Variants in TLE4 observed in about 807,000 individuals in gnomAD.
TLE4 encodes TLE family member 4, transcriptional corepressor.
A neutral mutation model predicts 92.8 loss-of-function variants in TLE4; 8 were observed. The ratio of observed to expected loss-of-function variants is 0.09; its 90% CI spans 0.05 to 0.16. TLE4 has a LOEUF of 0.16. TLE4 is among the 10% of genes least tolerant of loss of function. The probability of loss-of-function intolerance (pLI) is 1.00; values close to 1 mark genes in which losing one functional copy is unlikely to be tolerated. For synonymous variants in TLE4, 371 were observed against 374.1 expected (o/e 0.99, Z 0.10); for missense variants, 675 against 997.6 (o/e 0.68, Z 4.36).
At position 79,720,377 on chromosome 9, in the gene TLE4, GGTGTGTGTGTGTGTGTGTGTGT is replaced by G. The variant is rs71364488; in HGVS notation, c.1838+111_1838+132del. The G allele has an allele frequency of 3.0e-4, 96 of 316,622 alleles. 1 individual carries two copies. In the Admixed American group the frequency reaches 4.4e-3, roughly 15 times the overall value. The allele number at this position is 316,622 out of a possible 1,614,324, so 19.6% of individuals were successfully genotyped here. ...CCAAAGTGCTGTGTATATAGGTATG[GGTGTGTGTGTGTGTGTGTGTGT>G]GTGTGTGTGTGTGTGTGTGTGTGTG... is the stretch of plus-strand genomic sequence containing the variant. On this transcript the variant is annotated intron_variant, in intron 16 of 19. Coordinates refer to ENST00000376552, the MANE Select transcript of TLE4 (RefSeq NM_007005.6).
In TLE4 at chr9:79,572,754, G is replaced by A; in HGVS notation, c.-37G>A. On this transcript the variant is annotated 5_prime_UTR_variant, in exon 1 of 20. Transcript: ENST00000376552. ...GGGGTCATTAAAGCCAATGAGCCGC[G>A]CGCCTCTGCCGAGCGCAGCCAACTA... 6.3e-7 allele frequency: 1 copy of A among 1,590,742 alleles called. No homozygotes were observed. Among genetic ancestry groups the A allele is most frequent in the Non-Finnish European group, 8.5e-7 (1 of 1,169,652 alleles).
At chr9:79,598,101 T>C (rs2044534880) in intron 4 of TLE4, among the ~76,000 whole-genome samples, 1 of 147,858 alleles carries the variant, frequency 6.8e-6, no homozygotes, top group Non-Finnish European at 1.5e-5. Context: ...AAAAAAAACT[T>C]ACCCAGGCGT....
chr9:79,603,824 A>C (rs1292511683), intron 4 of TLE4, among the ~76,000 whole-genome samples: 4 of 152,162 alleles, frequency 2.6e-5, no homozygotes, highest in Non-Finnish European at 5.9e-5. Flanking sequence ...CATACCAGCC[A>C]CTGGGGCTAT....
chr9:79,652,191 T>C (rs2059125062), intron 6 of TLE4, among the ~76,000 whole-genome samples: 2 of 152,004 alleles, frequency 1.3e-5, no homozygotes, highest in South Asian at 4.1e-4. Flanking sequence ...CTTTTTTCTT[T>C]TTCTTTTTTT....
intron 8 of TLE4, among the ~76,000 whole-genome samples, chr9:79,656,490 AT>A (rs113394718): frequency 0.026 from 4,019 of 152,238 alleles, 84 homozygotes; most frequent in African/African-American, 0.053. Flanking sequence ...ATAATAAGTA[AT>A]TTTTGGCCAT....
rs62569299 is a variant in TLE4 at position 79,620,016 on chromosome 9, T to C, written c.315+7298T>C. 9.3e-3 allele frequency among the ~76,000 whole-genome samples: 1,410 copies of C among 152,308 alleles called. 7 individuals carry two copies. The highest frequency in any genetic ancestry group is 0.015 in the Non-Finnish European group (1,032 of 68,028). On this transcript the variant is annotated intron_variant, in intron 5 of 19. Coordinates refer to ENST00000376552, the MANE Select transcript of TLE4 (RefSeq NM_007005.6). ...TGGTGGCATCATGGCCTGTTTGACC[T>C]CAAGAAGTGAAAGATGATTCTCAGG...
chr9:79,608,238 A>G (rs1413029801), intron 4 of TLE4, among the ~76,000 whole-genome samples: 1 of 152,076 alleles, frequency 6.6e-6, no homozygotes, highest in Non-Finnish European at 1.5e-5. Context: ...ATTTTTCCTT[A>G]TATTTAGTCT....
chr9:79,664,011 G>T (rs996235751), intron 8 of TLE4, among the ~76,000 whole-genome samples: 4 of 152,200 alleles, frequency 2.6e-5, no homozygotes, highest in African/African-American at 9.6e-5. Flanking sequence ...GGGGCACAGT[G>T]TATGTGAAAT....
intron 16 of TLE4, among the ~76,000 whole-genome samples, chr9:79,720,935 A>G: frequency 6.6e-6 from 1 of 152,206 alleles, no homozygotes; most frequent in East Asian, 1.9e-4. Flanking sequence ...TAGATGGGAA[A>G]AGCTCTGAAA....
intron 4 of TLE4, among the ~76,000 whole-genome samples, chr9:79,593,355 C>T (rs1222273658): frequency 6.6e-6 from 1 of 152,156 alleles, no homozygotes; most frequent in Non-Finnish European, 1.5e-5. Flanking sequence ...CTACCACACA[C>T]CCATGTATCT....
intron 6 of TLE4, among the ~76,000 whole-genome samples, chr9:79,634,400 T>C (rs2055159199): frequency 6.6e-6 from 1 of 152,224 alleles, no homozygotes. Context: ...AGCATACATT[T>C]ACGGATTTGT....
intron 4 of TLE4, among the ~76,000 whole-genome samples, chr9:79,592,988 TTG>T (rs1460133421): frequency 6.6e-6 from 1 of 152,240 alleles, no homozygotes; most frequent in African/African-American, 2.4e-5. Flanking sequence ...TGTGAATTAT[TTG>T]TGTGTGGTTA....
intron 6 of TLE4, among the ~76,000 whole-genome samples, chr9:79,650,759 T>A (rs2058822626): frequency 6.6e-6 from 1 of 152,082 alleles, no homozygotes. Flanking sequence ...GTGGCTCCCA[T>A]TTTCCATTTT....
chr9:79,676,869 T>A (rs769829839), intron 8 of TLE4, among the ~76,000 whole-genome samples: 2 of 152,206 alleles, frequency 1.3e-5, no homozygotes, highest in Non-Finnish European at 2.9e-5. Flanking sequence ...TTATTCTATA[T>A]AGATATTCTC....
intron 14 of TLE4, among the ~76,000 whole-genome samples, chr9:79,714,582 A>G (rs571971941): frequency 1.3e-5 from 2 of 152,280 alleles, no homozygotes; most frequent in African/African-American, 2.4e-5. Flanking sequence ...ACCCATCTCT[A>G]TTACCATGTC....
chr9:79,672,620 A>G (rs2062602642), intron 8 of TLE4, among the ~76,000 whole-genome samples: 1 of 152,196 alleles, frequency 6.6e-6, no homozygotes, highest in African/African-American at 2.4e-5. Flanking sequence ...CAAAGGCCCA[A>G]GAAGCCTTTG....
intron 11 of TLE4, among the ~76,000 whole-genome samples, chr9:79,707,878 A>G (rs1342235224): frequency 6.6e-6 from 1 of 152,214 alleles, no homozygotes; most frequent in Non-Finnish European, 1.5e-5. Context: ...CCAATTTCCT[A>G]GAAATGAGCT....
chr9:79,720,060 C>T lies in TLE4; in HGVS notation c.1605C>T (p.Tyr535=), dbSNP rs1038243735. ...TGTCTCTACAGAACAGGGATAACTA[C>T]ATCCGTTCCTGCAGATTGCTCCCTG... ...SQLDCLNRDN[Y]IRSCRLLPDG... The change falls in exon 16 of 20, where the codon TAC becomes TAT. Residue 535 remains tyrosine, a synonymous_variant. Transcript: ENST00000376552. 7 of 1,611,830 alleles carry T rather than the reference C, an allele frequency of 4.3e-6. No individual in the cohort carries two copies. The African/African-American group carries it at 5.3e-5, about 12-fold the overall frequency.
intron 8 of TLE4, among the ~76,000 whole-genome samples, chr9:79,679,988 G>A (rs1177372506): frequency 6.6e-6 from 1 of 150,934 alleles, no homozygotes; most frequent in African/African-American, 2.4e-5. Flanking sequence ...CTCTGTTTTG[G>A]TACCAGTACC....
Sources: gnomAD v4.1 joint callset for allele counts (sites outside exome capture counted in the v4.1 genomes callset) on GRCh38, gnomAD v4.1.1 for gene constraint, MANE v1.5 for transcripts, NCBI Gene and HGNC (gene_info 2026-07-23, HGNC 2026-07-21) for gene names.